TENM3: variants seen among roughly 807,000 people sequenced by gnomAD.
TENM3 encodes the protein teneurin transmembrane protein 3.
TENM3 carries 63 observed loss-of-function variants against 255.1 expected under a neutral mutation model. That is an observed-to-expected ratio of 0.25 (90% CI 0.20 to 0.30). The LOEUF (loss-of-function observed/expected upper bound fraction) is 0.30, where lower values mean the gene tolerates loss of function less well. Among genes scored for constraint, TENM3 ranks in the 10% least tolerant of loss-of-function variants. The pLI is 1.00. For missense variants in TENM3, 2,929 were observed against 3,461.1 expected, an observed-to-expected ratio of 0.85 and a Z score of 3.86; for synonymous variants, 1,306 against 1,322.3, an observed-to-expected ratio of 0.99 and a Z score of 0.27.
intron 1 of TENM3, among the ~76,000 whole-genome samples, chr4:182,199,377 G>T (rs1030337088): frequency 7.9e-5 from 12 of 152,056 alleles, no homozygotes; most frequent in African/African-American, 2.4e-4. Context: ...AGCCAAGATC[G>T]CACCACTGCA....
the TENM3 span, among the ~76,000 whole-genome samples, chr4:182,020,136 G>A: frequency 6.6e-6 from 1 of 151,934 alleles, no homozygotes; most frequent in African/African-American, 2.4e-5. Context: ...AGGCTGAGGC[G>A]GCCAGATCCC....
At chr4:182,133,459 A>C in the TENM3 span, among the ~76,000 whole-genome samples, 3 of 152,204 alleles carry the variant, frequency 2.0e-5, no homozygotes, top group African/African-American at 7.2e-5. Context: ...TCACAAGAGC[A>C]TTCTTTAATT....
the TENM3 span, among the ~76,000 whole-genome samples, chr4:181,743,126 G>A: frequency 2.0e-5 from 3 of 151,860 alleles, no homozygotes; most frequent in Non-Finnish European, 2.9e-5. Context: ...GAATAGTGCC[G>A]CAGTAAACAT....
chr4:181,605,558 GA>G, the TENM3 span, among the ~76,000 whole-genome samples: 2 of 28,574 alleles, frequency 7.0e-5, no homozygotes, highest in Non-Finnish European at 9.9e-5. Context: ...AAGAAAGAAA[GA>G]AAGAAAGAAA....
chr4:182,268,968 G>A (rs1051811297), intron 1 of TENM3, among the ~76,000 whole-genome samples: 15 of 152,238 alleles, frequency 9.9e-5, no homozygotes, highest in African/African-American at 3.6e-4. Context: ...TTTCTTGTGT[G>A]AGATCCAAGA....
At chr4:182,763,340 C>T (rs1375542543) in intron 22 of TENM3, among the ~76,000 whole-genome samples, 5 of 152,196 alleles carry the variant, frequency 3.3e-5, no homozygotes, top group South Asian at 2.1e-4. Flanking sequence ...CTGAGGCGGG[C>T]GGATCACGAC....
At chr4:182,553,335 A>G (rs1742250531) in intron 3 of TENM3, among the ~76,000 whole-genome samples, 1 of 140,742 alleles carries the variant, frequency 7.1e-6, no homozygotes, top group Non-Finnish European at 1.5e-5. Flanking sequence ...AACAATGAGA[A>G]CACATGGACA....
chr4:182,199,718 TGC>T, intron 1 of TENM3, among the ~76,000 whole-genome samples: 1 of 138,796 alleles, frequency 7.2e-6, no homozygotes, highest in East Asian at 2.2e-4. Context: ...GGAACATCAT[TGC>T]TTTTTTTTTT....
chr4:182,701,210 C>CTTTTTTTTTTTTT (rs35538818), intron 12 of TENM3, among the ~76,000 whole-genome samples: 979 of 38,660 alleles, frequency 0.025, 375 homozygotes, highest in Non-Finnish European at 0.028. Context: ...CAACTCTTGA[C>CTTTTTTTTTTTTT]TTTTTTTTTT....
At chr4:181,526,722 G>T in the TENM3 span, among the ~76,000 whole-genome samples, 3 of 152,168 alleles carry the variant, frequency 2.0e-5, no homozygotes, top group African/African-American at 7.2e-5. Context: ...ATAACTATAG[G>T]ATTGGTTAAG....
chr4:182,614,244 A>C (rs1219617998), intron 4 of TENM3, among the ~76,000 whole-genome samples: 1 of 152,160 alleles, frequency 6.6e-6, no homozygotes, highest in Non-Finnish European at 1.5e-5. Flanking sequence ...TCTTTTTATA[A>C]TTGCATAGTA....
At chr4:181,784,782 C>T in the TENM3 span, among the ~76,000 whole-genome samples, 1 of 152,108 alleles carries the variant, frequency 6.6e-6, no homozygotes, top group African/African-American at 2.4e-5. Flanking sequence ...AATATATATA[C>T]TCTCTACCCT....
chr4:181,643,310 G>T, the TENM3 span, among the ~76,000 whole-genome samples: 1 of 152,104 alleles, frequency 6.6e-6, no homozygotes, highest in South Asian at 2.1e-4. Context: ...TTGGCTCTCT[G>T]TTTGTCTTGT....
the TENM3 span, among the ~76,000 whole-genome samples, chr4:181,505,839 C>T: frequency 2.0e-5 from 3 of 152,030 alleles, no homozygotes; most frequent in African/African-American, 4.8e-5. Flanking sequence ...ATCAGCTATC[C>T]CAAAACTTTC....
chr4:182,028,277 T>G, the TENM3 span, among the ~76,000 whole-genome samples: 1,053 of 152,292 alleles, frequency 6.9e-3, 9 homozygotes, highest in African/African-American at 0.024. Flanking sequence ...ATAGTAGCAC[T>G]AATGATACTT....
At chr4:181,969,798 A>T in the TENM3 span, among the ~76,000 whole-genome samples, 1 of 152,250 alleles carries the variant, frequency 6.6e-6, no homozygotes, top group Non-Finnish European at 1.5e-5. Flanking sequence ...CTCATTTTGC[A>T]GAAATCTCAC....
At chr4:182,602,314 G>T (rs576551283) in intron 4 of TENM3, among the ~76,000 whole-genome samples, 5 of 152,196 alleles carry the variant, frequency 3.3e-5, no homozygotes, top group Non-Finnish European at 7.3e-5. Flanking sequence ...AGCTCTTGAC[G>T]CCTTGAGAGA....
chr4:181,595,669 A>G, the TENM3 span, among the ~76,000 whole-genome samples: 2 of 152,222 alleles, frequency 1.3e-5, no homozygotes, highest in Admixed American at 6.5e-5. Context: ...AAAACGCCCT[A>G]CAAGATCTGG....
intron 3 of TENM3, among the ~76,000 whole-genome samples, chr4:182,477,647 T>C (rs1219096162): frequency 6.6e-6 from 1 of 150,974 alleles, no homozygotes; most frequent in Non-Finnish European, 1.5e-5. Context: ...ACAAGCTGTA[T>C]GATTAAATTA....
Sources: allele counts gnomAD v4.1 joint callset (sites outside exome capture counted in the v4.1 genomes callset), GRCh38; gene constraint gnomAD v4.1.1; transcripts MANE v1.5; gene names NCBI Gene and HGNC (gene_info 2026-07-23, HGNC 2026-07-21).